Variants in TIMD4 observed in about 807,000 individuals in gnomAD.
TIMD4 encodes T cell immunoglobulin and mucin domain containing 4, also known as T-cell immunoglobulin and mucin domain-containing protein 4.
TIMD4 carries 31 observed loss-of-function variants against 41.2 expected under a neutral mutation model. That is an observed-to-expected ratio of 0.75 (90% CI 0.57 to 1.01). The LOEUF (loss-of-function observed/expected upper bound fraction) is 1.01. Among genes scored for constraint, TIMD4 ranks in the 50% least tolerant of loss-of-function variants. TIMD4 has a pLI of 0.00. For synonymous variants in TIMD4, 204 were observed against 177.1 expected (o/e 1.15, Z -1.21); for missense variants, 479 against 472.5 (o/e 1.01, Z -0.13).
chr5:156,960,829 C>T (rs1421761401), intron 1 of TIMD4, among the ~76,000 whole-genome samples: 2 of 152,324 alleles, frequency 1.3e-5, no homozygotes, highest in South Asian at 2.1e-4. Context: ...GGAAGATAGT[C>T]AAATGAGTGA....
intron 8 of TIMD4, 144 bp downstream of exon 8, chr5:156,920,320 A>AC (rs1759211283): frequency 4.3e-6 from 4 of 928,316 alleles, no homozygotes; most frequent in Non-Finnish European, 3.3e-6. Flanking sequence ...AATCTGCACA[A>AC]CTTTTTCACT....
intron 5 of TIMD4, among the ~76,000 whole-genome samples, chr5:156,941,617 C>T (rs150694382): frequency 6.6e-6 from 1 of 152,312 alleles, no homozygotes; most frequent in Non-Finnish European, 1.5e-5. Context: ...TCCTCATTTT[C>T]ATTTTCACCT....
At chr5:156,929,016 G>A (rs112769234) in intron 5 of TIMD4, among the ~76,000 whole-genome samples, 6 of 152,306 alleles carry the variant, frequency 3.9e-5, no homozygotes, top group African/African-American at 1.2e-4. Flanking sequence ...ATGCTGCTGC[G>A]TGATACCAAA....
At chr5:156,928,724 T>A (rs539463429) in intron 5 of TIMD4, among the ~76,000 whole-genome samples, 1 of 152,292 alleles carries the variant, frequency 6.6e-6, no homozygotes, top group South Asian at 2.1e-4. Context: ...TTGTTAAATG[T>A]CACTAGGAAC....
intron 5 of TIMD4, among the ~76,000 whole-genome samples, chr5:156,928,812 C>G (rs1440438896): frequency 6.6e-6 from 1 of 152,144 alleles, no homozygotes; most frequent in African/African-American, 2.4e-5. Context: ...TCCCCTAGAG[C>G]TGAAAATTGC....
chr5:156,954,903 G>C, intron 1 of TIMD4, 147 bp from the exon 2 acceptor site: 1 of 749,364 alleles, frequency 1.3e-6, no homozygotes, highest in Non-Finnish European at 2.1e-6. Flanking sequence ...TTTGATACAG[G>C]GTCTTGCTTT....
intron 2 of TIMD4, 126 bp from the exon 3 acceptor site, chr5:156,951,916 A>G: frequency 7.7e-7 from 1 of 1,298,112 alleles, no homozygotes; most frequent in African/African-American, 1.5e-5. Context: ...GACGATTGTA[A>G]TGCCCAATAA....
At chr5:156,944,387 C>G (rs1024108999) in intron 5 of TIMD4, among the ~76,000 whole-genome samples, 2 of 151,850 alleles carry the variant, frequency 1.3e-5, no homozygotes, top group African/African-American at 4.8e-5. Flanking sequence ...GCCCTTCCTG[C>G]AAGAAGCTCA....
chr5:156,950,382 T>C (rs1313170985), intron 3 of TIMD4, among the ~76,000 whole-genome samples: 1 of 152,250 alleles, frequency 6.6e-6, no homozygotes, highest in African/African-American at 2.4e-5. Context: ...ATGGTAGTTA[T>C]TTATTTTAAA....
At chr5:156,929,324 C>A (rs572667401) in intron 5 of TIMD4, among the ~76,000 whole-genome samples, 1 of 152,256 alleles carries the variant, frequency 6.6e-6, no homozygotes, top group East Asian at 1.9e-4. Flanking sequence ...GGGAGTAAAG[C>A]AATTCTGCAA....
At chr5:156,963,098 AG>A in intron 1 of TIMD4, 42 bp downstream of exon 1, 2 of 1,598,856 alleles carry the variant, frequency 1.3e-6, no homozygotes, top group Non-Finnish European at 1.7e-6. Flanking sequence ...CACAATAGCA[AG>A]TCCTCTGGAA....
chr5:156,957,087 T>G (rs1474786374), intron 1 of TIMD4, among the ~76,000 whole-genome samples: 1 of 151,870 alleles, frequency 6.6e-6, no homozygotes, highest in Non-Finnish European at 1.5e-5. Context: ...TGAAGCACAG[T>G]GGCGCGATCT....
chr5:156,937,961 T>C (rs1164963798), intron 5 of TIMD4, among the ~76,000 whole-genome samples: 6 of 152,226 alleles, frequency 3.9e-5, no homozygotes, highest in Non-Finnish European at 7.3e-5. Flanking sequence ...AACAATGGCA[T>C]TGGTGAGTAC....
At chr5:156,956,745 G>A (rs1001507834) in intron 1 of TIMD4, among the ~76,000 whole-genome samples, 2 of 152,236 alleles carry the variant, frequency 1.3e-5, no homozygotes, top group African/African-American at 4.8e-5. Flanking sequence ...AAGCCAGGCA[G>A]GCTGTAGATC....
chr5:156,922,744 G>A (rs1376254678), intron 6 of TIMD4, among the ~76,000 whole-genome samples: 1 of 151,832 alleles, frequency 6.6e-6, no homozygotes, highest in Non-Finnish European at 1.5e-5. Context: ...TGTGATGTGT[G>A]ATGTCATTGC....
intron 5 of TIMD4, among the ~76,000 whole-genome samples, chr5:156,936,791 G>C (rs1247434965): frequency 4.6e-5 from 7 of 151,936 alleles, no homozygotes; most frequent in Admixed American, 2.0e-4. Context: ...AATTAGCCAG[G>C]CATGATGGCG....
chr5:156,929,902 G>A lies in TIMD4; in HGVS notation c.845-3590C>T, dbSNP rs142778472. Reference sequence around the variant, plus strand: ...GGTAAGAAGACTAAATCCAACGAAAGATCCTAGTATTAAACTCCAAAGAGT... The same window carrying A: ...GGTAAGAAGACTAAATCCAACGAAAAATCCTAGTATTAAACTCCAAAGAGT... On this transcript the variant is annotated intron_variant, in intron 5 of 8. Transcript: ENST00000274532. Among the ~76,000 whole-genome samples the A allele has an allele frequency of 3.7e-3, 564 of 152,304 alleles. 3 individuals carry two copies. The highest frequency in any genetic ancestry group is 0.013 in the African/African-American group (530 of 41,562).
chr5:156,936,370 C>T (rs920019234), intron 5 of TIMD4, among the ~76,000 whole-genome samples: 2 of 152,194 alleles, frequency 1.3e-5, no homozygotes, highest in Non-Finnish European at 2.9e-5. Context: ...TGAGCACTTA[C>T]TGCATGCCAA....
intron 5 of TIMD4, among the ~76,000 whole-genome samples, chr5:156,932,863 G>A (rs1213852299): frequency 1.3e-5 from 2 of 152,074 alleles, no homozygotes; most frequent in Non-Finnish European, 2.9e-5. Flanking sequence ...AATTAGCCAG[G>A]CGTGGTGGTG....
Sources: allele counts gnomAD v4.1 joint callset (sites outside exome capture counted in the v4.1 genomes callset), GRCh38; gene constraint gnomAD v4.1.1; transcripts MANE v1.5; gene names NCBI Gene and HGNC (gene_info 2026-07-23, HGNC 2026-07-21).